Variants in HPSE2 observed in about 807,000 individuals in gnomAD.
HPSE2 encodes the protein heparanase 2 (inactive).
In HPSE2, 38 loss-of-function variants were observed where a neutral mutation model predicts 60.5. That is an observed-to-expected ratio of 0.63 (90% CI 0.48 to 0.82). The LOEUF (loss-of-function observed/expected upper bound fraction) is 0.82, where lower values mean the gene tolerates loss of function less well. HPSE2 is among the 40% of genes least tolerant of loss of function. The probability of loss-of-function intolerance (pLI) is 0.00; values close to 1 mark genes in which losing one functional copy is unlikely to be tolerated. For synonymous variants in HPSE2, 295 were observed against 293.2 expected (o/e 1.01, Z -0.06); for missense variants, 713 against 740.4 (o/e 0.96, Z 0.43).
chr10:98,964,198 CTTTTA>C (rs1955756076), intron 3 of HPSE2, among the ~76,000 whole-genome samples: 1 of 152,046 alleles, frequency 6.6e-6, no homozygotes, highest in Non-Finnish European at 1.5e-5. Flanking sequence ...AAATTTGTGT[CTTTTA>C]TTTTATTTTC....
chr10:99,051,780 G>A (rs1957996857), intron 3 of HPSE2, among the ~76,000 whole-genome samples: 1 of 152,130 alleles, frequency 6.6e-6, no homozygotes, highest in Non-Finnish European at 1.5e-5. Flanking sequence ...ATTCTCCAGT[G>A]TGTCTGCAGA....
At chr10:98,925,765 T>G (rs1954439560) in intron 3 of HPSE2, among the ~76,000 whole-genome samples, 1 of 152,224 alleles carries the variant, frequency 6.6e-6, no homozygotes, top group African/African-American at 2.4e-5. Context: ...CTTTCTGTCT[T>G]GCTAGATTGG....
At chr10:98,720,167 T>G (rs1819269050) in intron 5 of HPSE2, among the ~76,000 whole-genome samples, 1 of 151,834 alleles carries the variant, frequency 6.6e-6, no homozygotes, top group Non-Finnish European at 1.5e-5. Context: ...TGAGGGATAA[T>G]AAGAAATCAG....
At position 99,077,407 on chromosome 10, in the gene HPSE2, CTTGT is replaced by C. The variant is rs1029036347; in HGVS notation, c.610+66827_610+66830del. On this transcript the variant is annotated intron_variant, in intron 3 of 11. Transcript: ENST00000370552. ...CTTAAGCTTTCTTCATTCTTTTTCA[CTTGT>C]TTTTCTTTTTGTTCATCTGACTGAA... Among the ~76,000 whole-genome samples, 6 of 151,984 alleles carry C rather than the reference CTTGT, an allele frequency of 3.9e-5. No individual in the cohort carries two copies. In the South Asian group the frequency reaches 1.2e-3, roughly 32 times the overall value.
intron 3 of HPSE2, among the ~76,000 whole-genome samples, chr10:98,815,517 G>A (rs1175953196): frequency 6.6e-6 from 1 of 152,212 alleles, no homozygotes; most frequent in Admixed American, 6.5e-5. Context: ...TGGGATACAA[G>A]TACAGCACTT....
chr10:99,118,711 G>A (rs1315183175), intron 3 of HPSE2, among the ~76,000 whole-genome samples: 1 of 151,782 alleles, frequency 6.6e-6, no homozygotes, highest in Non-Finnish European at 1.5e-5. Flanking sequence ...AAACAGGCAA[G>A]AGAAAGAAAT....
intron 9 of HPSE2, among the ~76,000 whole-genome samples, chr10:98,514,704 ATACTT>A (rs1942533202): frequency 1.8e-5 from 2 of 112,580 alleles, no homozygotes; most frequent in African/African-American, 6.6e-5. Flanking sequence ...CTGTGGTTAT[ATACTT>A]TGTTTTTTTT....
intron 3 of HPSE2, among the ~76,000 whole-genome samples, chr10:98,821,025 G>A (rs1273750573): frequency 1.1e-4 from 17 of 152,162 alleles, no homozygotes; most frequent in Admixed American, 1.1e-3. Context: ...GACACATCAT[G>A]ACTGTTCAAA....
chr10:98,941,197 A>G lies in HPSE2; in HGVS notation c.611-197141T>C, dbSNP rs1954989207. Among the ~76,000 whole-genome samples, 5 of 136,290 alleles carry G rather than the reference A, an allele frequency of 3.7e-5. 1 individual carries two copies. In the South Asian group the frequency reaches 1.1e-3, roughly 30 times the overall value. 89.4% of individuals were successfully genotyped at this position (136,290 alleles called of 152,430 possible). ...CAAGACAGGGATGCCCTCTCTCACC[A>G]CTCCTATTCAACATAGTGTTGGAAG... is the stretch of plus-strand genomic sequence containing the variant. On this transcript the variant is annotated intron_variant, in intron 3 of 11. Transcript: ENST00000370552.
At chr10:98,490,657 A>G (rs1941612124) in intron 9 of HPSE2, among the ~76,000 whole-genome samples, 1 of 152,162 alleles carries the variant, frequency 6.6e-6, no homozygotes, top group Non-Finnish European at 1.5e-5. Context: ...TCCAAATATT[A>G]TCACTGAAGA....
At chr10:99,238,929 G>A (rs1564916532), upstream of HPSE2, among the ~76,000 whole-genome samples, 1 of 152,136 alleles carries the variant, frequency 6.6e-6, no homozygotes, top group Non-Finnish European at 1.5e-5. Context: ...GGGAGCCAAG[G>A]CAGGCGGATC....
chr10:99,138,265 A>G (rs1296955192), intron 3 of HPSE2, among the ~76,000 whole-genome samples: 1 of 152,206 alleles, frequency 6.6e-6, no homozygotes, highest in African/African-American at 2.4e-5. Context: ...GAATATGGAG[A>G]AATAGGAATG....
At chr10:99,139,945 TCAGA>T (rs141215975) in intron 3 of HPSE2, among the ~76,000 whole-genome samples, 2,426 of 152,256 alleles carry the variant, frequency 0.016, 89 homozygotes, top group East Asian at 0.14. Flanking sequence ...TCCAACTTTA[TCAGA>T]CAAAGTAAAA....
chr10:98,572,968 A>C (rs905664373), intron 9 of HPSE2, among the ~76,000 whole-genome samples: 11 of 152,154 alleles, frequency 7.2e-5, no homozygotes, highest in Non-Finnish European at 1.3e-4. Context: ...ATGGTTCCTG[A>C]CCTCAAAGAG....
chr10:98,610,798 G>A (rs1171217584), intron 9 of HPSE2, among the ~76,000 whole-genome samples: 3 of 152,316 alleles, frequency 2.0e-5, no homozygotes, highest in African/African-American at 7.2e-5. Context: ...CAACCGAGGT[G>A]TCCATGCTTT....
chr10:98,771,596 A>C (rs1412502792), intron 3 of HPSE2, among the ~76,000 whole-genome samples: 2 of 152,208 alleles, frequency 1.3e-5, no homozygotes, highest in Non-Finnish European at 2.9e-5. Flanking sequence ...AGGAGTTATG[A>C]AAATTAGCTA....
At chr10:98,835,717 C>G (rs1951775971) in intron 3 of HPSE2, among the ~76,000 whole-genome samples, 1 of 152,188 alleles carries the variant, frequency 6.6e-6, no homozygotes, top group Non-Finnish European at 1.5e-5. Context: ...GGATGTGTTA[C>G]AGCTTGAAGA....
intron 2 of HPSE2, among the ~76,000 whole-genome samples, chr10:99,222,240 G>T (rs73337492): frequency 0.027 from 4,147 of 152,102 alleles, 187 homozygotes; most frequent in African/African-American, 0.095. Context: ...GACTGCCCTG[G>T]ATTCAACCAC....
chr10:98,626,640 G>T (rs1335937073), intron 7 of HPSE2, among the ~76,000 whole-genome samples: 4 of 152,056 alleles, frequency 2.6e-5, no homozygotes, highest in Admixed American at 2.6e-4. Flanking sequence ...GGCCCCAGCT[G>T]GGAATTGATT....
Sources: allele counts gnomAD v4.1 joint callset (sites outside exome capture counted in the v4.1 genomes callset), GRCh38; gene constraint gnomAD v4.1.1; transcripts MANE v1.5; gene names NCBI Gene and HGNC (gene_info 2026-07-23, HGNC 2026-07-21).